Variants in THOC2 observed in about 807,000 individuals in gnomAD.
THOC2 encodes the protein THO complex subunit 2, also known as THO complex 2.
In THOC2, 10 loss-of-function variants were observed where a neutral mutation model predicts 128.4. That is an observed-to-expected ratio of 0.08 (90% CI 0.05 to 0.13). THOC2 has a LOEUF of 0.13. THOC2 is among the 10% of genes least tolerant of loss of function. The pLI is 1.00. For missense variants in THOC2, 535 were observed against 1,155.7 expected (o/e 0.46, Z 7.79); for synonymous variants, 393 against 396.9 (o/e 0.99, Z 0.12).
chrX:123,688,090 C>A (rs759618400), intron 7 of THOC2, among the ~76,000 whole-genome samples: 73 of 112,210 alleles, frequency 6.5e-4, no homozygotes, highest in African/African-American at 2.3e-3. Flanking sequence ...CTTATACCTA[C>A]CATATGACCC....
chrX:123,665,921 T>G, intron 11 of THOC2, 84 bp from the exon 12 acceptor site: 1 of 545,799 alleles, frequency 1.8e-6, no homozygotes, highest in Non-Finnish European at 2.5e-6. Flanking sequence ...CTACAATATC[T>G]ACCATTTTAA....
intron 2 of THOC2, among the ~76,000 whole-genome samples, chrX:123,712,586 T>C (rs1459924199): frequency 8.9e-6 from 1 of 112,150 alleles, no homozygotes; most frequent in Non-Finnish European, 1.9e-5. Context: ...TAACAACTGC[T>C]GAAATTTAGC....
At chrX:123,673,809 C>T (rs1426421161) in intron 8 of THOC2, among the ~76,000 whole-genome samples, 1 of 112,177 alleles carries the variant, frequency 8.9e-6, no homozygotes, top group East Asian at 2.8e-4. Flanking sequence ...ACGCCTCACA[C>T]TACCAGGCCT....
intron 9 of THOC2, among the ~76,000 whole-genome samples, chrX:123,670,775 G>T (rs1434365657): frequency 8.9e-6 from 1 of 112,126 alleles, no homozygotes; most frequent in African/African-American, 3.2e-5. Flanking sequence ...GACAGATATG[G>T]TCACTATCTA....
intron 25 of THOC2, among the ~76,000 whole-genome samples, chrX:123,625,079 T>G (rs1040054094): frequency 9.0e-6 from 1 of 110,553 alleles, no homozygotes; most frequent in Non-Finnish European, 1.9e-5. Flanking sequence ...GGAACATACA[T>G]TATGTTTTTT....
chrX:123,639,025 G>C lies in THOC2; in HGVS notation c.1749C>G (p.Ile583Met). 2 of 1,130,935 alleles carry C rather than the reference G, an allele frequency of 1.8e-6. No homozygotes were observed. The highest frequency in any genetic ancestry group is 2.4e-6 in the Non-Finnish European group (2 of 831,657). 93.2% of individuals were successfully genotyped at this position (1,130,935 alleles called of 1,213,427 possible). ...TATCATACTTCTGTATTTGTGACAA[G>C]ATCTGGAAAACAGCAACAAACAATA... Reference protein sequence around the residue: ...HSNPTILFDYILSQIQKYDNL... With the variant: ...HSNPTILFDYMLSQIQKYDNL... The change falls in exon 17 of 39, where the codon ATC (isoleucine) becomes ATG (methionine). Residue 583 changes from isoleucine to methionine, a missense_variant and splice_region_variant. Ile to Met is a conservative substitution (Grantham distance 10). Coordinates refer to ENST00000245838, the MANE Select transcript of THOC2 (RefSeq NM_001081550.2).
intron 36 of THOC2, among the ~76,000 whole-genome samples, chrX:123,611,849 A>T (rs2046712847): frequency 9.2e-6 from 1 of 108,434 alleles, no homozygotes; most frequent in Non-Finnish European, 1.9e-5. Flanking sequence ...CCCTCAAAAT[A>T]AAAAATGGTC....
chrX:123,709,606 C>T (rs1177891335), intron 2 of THOC2, among the ~76,000 whole-genome samples: 1 of 111,181 alleles, frequency 9.0e-6, no homozygotes, highest in African/African-American at 3.3e-5. Context: ...AAAAAGGCCC[C>T]GAGAAGGTAC....
At chrX:123,713,516 A>G (rs1389820457) in intron 1 of THOC2, among the ~76,000 whole-genome samples, 1 of 109,165 alleles carries the variant, frequency 9.2e-6, no homozygotes, top group African/African-American at 3.3e-5. Context: ...AGAAAAAAAG[A>G]CTATGACACA....
At chrX:123,700,312 C>G (rs1255479919) in intron 4 of THOC2, among the ~76,000 whole-genome samples, 1 of 108,472 alleles carries the variant, frequency 9.2e-6, no homozygotes. Flanking sequence ...ACCAGCCTGG[C>G]CAACAGGGCG....
intron 12 of THOC2, among the ~76,000 whole-genome samples, chrX:123,649,328 T>C (rs751211201): frequency 9.0e-6 from 1 of 111,300 alleles, no homozygotes; most frequent in South Asian, 3.8e-4. Flanking sequence ...CAAAGGTAGA[T>C]AAATCCATGA....
chrX:123,695,309 G>C (rs1051452969), intron 7 of THOC2, among the ~76,000 whole-genome samples: 1 of 111,558 alleles, frequency 9.0e-6, no homozygotes, highest in Non-Finnish European at 1.9e-5. Flanking sequence ...GGAAAATCTG[G>C]ATTACCCTAT....
chrX:123,700,554 T>TG (rs2050660343), intron 4 of THOC2, among the ~76,000 whole-genome samples: 2 of 9,247 alleles, frequency 2.2e-4, no homozygotes, highest in Non-Finnish European at 1.8e-4. Context: ...TGGGGGGGGG[T>TG]GGGGGGGTGG....
At chrX:123,606,931 G>A (rs189157850) in intron 38 of THOC2, among the ~76,000 whole-genome samples, 1 of 111,633 alleles carries the variant, frequency 9.0e-6, no homozygotes, top group Non-Finnish European at 1.9e-5. Flanking sequence ...ACAGCATTTG[G>A]TTCACAAAAG....
intron 38 of THOC2, among the ~76,000 whole-genome samples, chrX:123,607,443 G>GC (rs1941496801): frequency 1.1e-5 from 1 of 90,559 alleles, no homozygotes; most frequent in Non-Finnish European, 2.1e-5. Context: ...GCCTAGCTAA[G>GC]TTTTATTTAT....
intron 7 of THOC2, among the ~76,000 whole-genome samples, chrX:123,691,102 T>C (rs958573293): frequency 1.8e-5 from 2 of 111,201 alleles, no homozygotes; most frequent in Admixed American, 1.9e-4. Flanking sequence ...GTACCAGCTA[T>C]TTGGGAGGCT....
intron 7 of THOC2, among the ~76,000 whole-genome samples, chrX:123,690,552 T>C (rs1200202130): frequency 9.0e-6 from 1 of 111,464 alleles, no homozygotes; most frequent in African/African-American, 3.3e-5. Context: ...TGACACCAAC[T>C]AGGGGCAAGA....
intron 3 of THOC2, among the ~76,000 whole-genome samples, chrX:123,705,500 T>C (rs1230233436): frequency 9.0e-6 from 1 of 111,315 alleles, no homozygotes; most frequent in East Asian, 2.8e-4. Flanking sequence ...AATGAAATAT[T>C]AGTTGTTTAA....
intron 12 of THOC2, among the ~76,000 whole-genome samples, chrX:123,646,109 TA>T (rs1204500581): frequency 8.9e-6 from 1 of 112,058 alleles, no homozygotes; most frequent in Non-Finnish European, 1.9e-5. Context: ...CAAAGAAATT[TA>T]AATCTATCTT....
Sources: allele counts gnomAD v4.1 joint callset (sites outside exome capture counted in the v4.1 genomes callset), GRCh38; gene constraint gnomAD v4.1.1; transcripts MANE v1.5; gene names NCBI Gene and HGNC (gene_info 2026-07-23, HGNC 2026-07-21).